Variants in SNTG1 observed in about 807,000 individuals in gnomAD.
SNTG1 encodes the protein gamma-1-syntrophin.
A neutral mutation model predicts 74.7 loss-of-function variants in SNTG1; 39 were observed. The observed-to-expected ratio is 0.52, with a 90% CI of 0.40 to 0.68. SNTG1 has a LOEUF of 0.68. Ranked by LOEUF, SNTG1 falls within the 30% of genes least tolerant of loss-of-function variation. The pLI is 0.00. For missense variants in SNTG1, 685 were observed against 609.5 expected (o/e 1.12, Z -1.30); for synonymous variants, 254 against 217.1 (o/e 1.17, Z -1.49).
At chr8:50,621,872 TA>T (rs1346296257) in intron 13 of SNTG1, among the ~76,000 whole-genome samples, 1 of 152,220 alleles carries the variant, frequency 6.6e-6, no homozygotes, top group African/African-American at 2.4e-5. Context: ...TAGAAATAAT[TA>T]ATGACTTGCA....
At position 50,499,795 on chromosome 8, in the gene SNTG1, A is replaced by G. The variant is rs746520037; in HGVS notation, c.364-2983A>G. Among the ~76,000 whole-genome samples the G allele has an allele frequency of 8.6e-5, 13 of 151,830 alleles. 1 individual carries two copies. The highest frequency in any genetic ancestry group is 2.9e-4 in the African/African-American group (12 of 41,380). Reference sequence around the variant, plus strand: ...TTTTGATATTTCAACTTAGGTTTTTATGTGGTTAATTACACCAGTTGATCT... The same window carrying G: ...TTTTGATATTTCAACTTAGGTTTTTGTGTGGTTAATTACACCAGTTGATCT... On this transcript the variant is annotated intron_variant, in intron 8 of 18. Transcript: ENST00000642720.
chr8:50,681,104 A>G (rs1490706937), intron 15 of SNTG1, among the ~76,000 whole-genome samples: 1 of 152,202 alleles, frequency 6.6e-6, no homozygotes, highest in African/African-American at 2.4e-5. Context: ...ATAATTTTTG[A>G]ACTAATATAA....
At chr8:50,789,327 G>C (rs925719680) in intron 18 of SNTG1, among the ~76,000 whole-genome samples, 3 of 151,832 alleles carry the variant, frequency 2.0e-5, no homozygotes, top group African/African-American at 7.3e-5. Context: ...TTCTTTGCTG[G>C]TTCTACCCCA....
rs1026263728 is a variant in SNTG1, at chr8:50,140,186, T to C, written c.-102-32375T>C. ...CTGTGTGATGCTGGAAATCAAGAAG[T>C]GTGAGACAGAAATCTAACATTTAAA... On this transcript the variant is annotated intron_variant, in intron 1 of 18. Coordinates refer to ENST00000642720, the MANE Select transcript of SNTG1 (RefSeq NM_018967.5). 6.6e-5 allele frequency among the ~76,000 whole-genome samples: 10 copies of C among 152,136 alleles called. 1 individual carries two copies. Among genetic ancestry groups the C allele is most frequent in the Admixed American group, 2.6e-4 (4 of 15,258 alleles).
At chr8:50,190,226 T>G (rs1232564231) in intron 2 of SNTG1, among the ~76,000 whole-genome samples, 5 of 152,172 alleles carry the variant, frequency 3.3e-5, no homozygotes, top group Non-Finnish European at 5.9e-5. Flanking sequence ...TGCTTCTGAT[T>G]CTTTCTAGAA....
intron 2 of SNTG1, among the ~76,000 whole-genome samples, chr8:50,298,941 T>C (rs931898260): frequency 6.6e-6 from 1 of 152,160 alleles, no homozygotes; most frequent in East Asian, 1.9e-4. Flanking sequence ...TAAGAAATAA[T>C]AGGAAGGTTT....
In SNTG1 at chr8:50,248,007, G is replaced by A. The variant is rs142625272; in HGVS notation, c.-28+75372G>A. ...CCTTGGCTTATATATGGTTATGGTC[G>A]TCTTCTCCCTGTGTCTCTTCACATC... is the stretch of plus-strand genomic sequence containing the variant. On this transcript the variant is annotated intron_variant, in intron 2 of 18. Coordinates refer to ENST00000642720, the MANE Select transcript of SNTG1 (RefSeq NM_018967.5). Among the ~76,000 whole-genome samples, 1,296 of 152,118 alleles carry A rather than the reference G, an allele frequency of 8.5e-3. 19 individuals are homozygous for A. Among genetic ancestry groups the A allele is most frequent in the African/African-American group, 0.029 (1,217 of 41,500 alleles).
chr8:50,108,762 T>C (rs2080475029), intron 1 of SNTG1, among the ~76,000 whole-genome samples: 1 of 152,186 alleles, frequency 6.6e-6, no homozygotes, highest in South Asian at 2.1e-4. Context: ...ATTTTAGTCA[T>C]ACAGTGGCCT....
chr8:50,437,526 G>T (rs1312242490), intron 4 of SNTG1, among the ~76,000 whole-genome samples: 1 of 152,116 alleles, frequency 6.6e-6, no homozygotes, highest in Non-Finnish European at 1.5e-5. Flanking sequence ...AGTTTCCGCA[G>T]AACAAGAGAA....
chr8:50,262,676 T>C (rs1225530050), intron 2 of SNTG1, among the ~76,000 whole-genome samples: 2 of 152,196 alleles, frequency 1.3e-5, no homozygotes, highest in African/African-American at 4.8e-5. Context: ...CCCAAAGTGC[T>C]GGGATTACAG....
chr8:50,360,033 A>T (rs1287512135), intron 2 of SNTG1, among the ~76,000 whole-genome samples: 2 of 152,282 alleles, frequency 1.3e-5, no homozygotes, highest in African/African-American at 2.4e-5. Flanking sequence ...AAGAGTGAGG[A>T]TAAATTAATG....
chr8:50,622,461 G>A (rs1393311671), intron 13 of SNTG1, among the ~76,000 whole-genome samples: 1 of 152,062 alleles, frequency 6.6e-6, no homozygotes, highest in Admixed American at 6.5e-5. Flanking sequence ...GGAAAATAGT[G>A]TTTGAATGTA....
At chr8:50,208,026 G>A (rs563933292) in intron 2 of SNTG1, among the ~76,000 whole-genome samples, 2 of 152,292 alleles carry the variant, frequency 1.3e-5, no homozygotes, top group East Asian at 3.9e-4. Context: ...ATGGTGTTGA[G>A]AAGAATGTAT....
chr8:49,997,911 C>G (rs1814383417), intron 1 of SNTG1, among the ~76,000 whole-genome samples: 1 of 152,162 alleles, frequency 6.6e-6, no homozygotes, highest in African/African-American at 2.4e-5. Flanking sequence ...ACAGTCATCA[C>G]TTTTCACTAA....
chr8:50,687,371 A>G (rs933861278), intron 15 of SNTG1, among the ~76,000 whole-genome samples: 1 of 152,360 alleles, frequency 6.6e-6, no homozygotes, highest in African/African-American at 2.4e-5. Flanking sequence ...GGATAAAAAC[A>G]AAACCTGACT....
intron 8 of SNTG1, among the ~76,000 whole-genome samples, chr8:50,477,984 G>T (rs1316388304): frequency 6.6e-6 from 1 of 152,048 alleles, no homozygotes; most frequent in African/African-American, 2.4e-5. Context: ...ACATATATGG[G>T]TACAATGAAT....
intron 12 of SNTG1, among the ~76,000 whole-genome samples, chr8:50,583,869 C>T (rs2094628852): frequency 6.6e-6 from 1 of 151,592 alleles, no homozygotes; most frequent in African/African-American, 2.4e-5. Context: ...GTGTGCTGGA[C>T]CCATTAATTC....
intron 2 of SNTG1, among the ~76,000 whole-genome samples, chr8:50,277,690 T>C (rs2088194193): frequency 6.6e-6 from 1 of 152,200 alleles, no homozygotes; most frequent in Non-Finnish European, 1.5e-5. Flanking sequence ...ATTTCCAAGT[T>C]GTATACTTAA....
intron 18 of SNTG1, among the ~76,000 whole-genome samples, chr8:50,789,025 C>G (rs2095683787): frequency 6.6e-6 from 1 of 151,986 alleles, no homozygotes. Context: ...GAAAAACATT[C>G]TTGATTTCCT....
Sources: allele counts gnomAD v4.1 joint callset (sites outside exome capture counted in the v4.1 genomes callset), GRCh38; gene constraint gnomAD v4.1.1; transcripts MANE v1.5; gene names NCBI Gene and HGNC (gene_info 2026-07-23, HGNC 2026-07-21).